DST: variants seen among roughly 807,000 people sequenced by gnomAD.
The protein encoded by DST is bullous pemphigoid antigen.
DST carries 253 observed loss-of-function variants against 875.2 expected under a neutral mutation model. The observed-to-expected ratio is 0.29, with a 90% confidence interval of 0.26 to 0.32. The LOEUF is 0.32. Among genes scored for constraint, DST ranks in the 10% least tolerant of loss-of-function variants. DST has a pLI of 1.00. For missense variants in DST, 8,287 were observed against 9,111.6 expected, an observed-to-expected ratio of 0.91 and a Z score of 3.68; for synonymous variants, 3,124 against 3,197.1, an observed-to-expected ratio of 0.98 and a Z score of 0.77.
At chr6:56,581,020 C>A (rs1229441087) in intron 49 of DST, among the ~76,000 whole-genome samples, 1 of 137,354 alleles carries the variant, frequency 7.3e-6, no homozygotes, top group African/African-American at 2.8e-5. Flanking sequence ...CAGGAATGAG[C>A]CAAGGCTCCC....
At chr6:56,672,375 G>A (rs754216501) in intron 9 of DST, among the ~76,000 whole-genome samples, 22 of 152,122 alleles carry the variant, frequency 1.4e-4, no homozygotes, top group Admixed American at 7.2e-4. Flanking sequence ...ATTTAAAAGC[G>A]GAACAAACTG....
In DST at chr6:56,813,398, A is replaced by T. The variant is rs576188700; in HGVS notation, c.625+37999T>A. Among the ~76,000 whole-genome samples, 339 of 125,290 alleles carry T rather than the reference A, an allele frequency of 2.7e-3. 2 individuals carry two copies. The highest frequency in any genetic ancestry group is 0.017 in the South Asian group (82 of 4,708). The allele number at this position is 125,290 out of a possible 152,430, so 82.2% of individuals were successfully genotyped here. On this transcript the variant is annotated intron_variant, in intron 4 of 103. Coordinates refer to ENST00000680361, the MANE Select transcript of DST (RefSeq NM_001374736.1). ...TTAAAGTATAATAATAATAAAAAAA[A>T]AAATAAAATAAAATGTCCACTTACG...
At chr6:56,895,863 G>A (rs1482943298) in intron 3 of DST, among the ~76,000 whole-genome samples, 1 of 18,136 alleles carries the variant, frequency 5.5e-5, no homozygotes, top group Admixed American at 4.4e-4. Flanking sequence ...AAAAAAAAAC[G>A]AAAACCAGTC....
rs746273825 is a variant in DST at position 56,494,122 on chromosome 6, C to T, written c.20282G>A (p.Gly6761Asp). Residue 6761 changes from glycine to aspartate, a missense_variant, in exon 83 of 104, where the codon GGC (glycine) becomes GAC (aspartate). Physicochemically the swap from Gly to Asp is moderately conservative, Grantham distance 94. Transcript: ENST00000680361. ...TGGGCATCTTGCAAGCATCTGCTGG[C>T]CTTTCTGCATCAGACTCTTATATGT... ...EETYKSLMQK[G>D]QQMLARCPKS... 10 of 1,611,888 alleles carry T rather than the reference C, an allele frequency of 6.2e-6. No individual in the cohort carries two copies. Among genetic ancestry groups the T allele is most frequent in the Non-Finnish European group, 7.6e-6 (9 of 1,178,598 alleles).
At chr6:56,740,849 A>G (rs918056249) in intron 4 of DST, among the ~76,000 whole-genome samples, 1 of 152,170 alleles carries the variant, frequency 6.6e-6, no homozygotes, top group Non-Finnish European at 1.5e-5. Context: ...GGTAATATCC[A>G]TATTATTCCC....
At chr6:56,677,126 T>A (rs2099134777) in intron 9 of DST, among the ~76,000 whole-genome samples, 1 of 152,204 alleles carries the variant, frequency 6.6e-6, no homozygotes, top group Non-Finnish European at 1.5e-5. Flanking sequence ...GTAATTTTTA[T>A]TTGTCAATTT....
chr6:56,526,289 T>TTTGTTCAGGTAAAAGC, intron 69 of DST, 72 bp downstream of exon 69: 1 of 1,454,440 alleles, frequency 6.9e-7, no homozygotes, highest in Non-Finnish European at 9.5e-7. Context: ...AACAGTCATC[T>TTTGTTCAGGTAAAAGC]TTGTTCAGGT....
At chr6:56,730,168 A>C (rs1408199809) in intron 5 of DST, among the ~76,000 whole-genome samples, 2 of 152,212 alleles carry the variant, frequency 1.3e-5, no homozygotes, top group East Asian at 3.8e-4. Context: ...ATCCTATGCA[A>C]GGAAACCACA....
chr6:56,506,332 C>A, intron 77 of DST, 111 bp downstream of exon 77: 3 of 789,786 alleles, frequency 3.8e-6, no homozygotes, highest in Admixed American at 3.1e-5. Flanking sequence ...AATAATTTGC[C>A]CACAATTGCA....
In DST at chr6:56,463,598, G is replaced by A. The variant is rs2094443200; in HGVS notation, c.22926C>T (p.Ala7642=). The change falls in exon 101 of 104, where the codon GCC becomes GCT. Residue 7642 remains alanine, a synonymous_variant. Coordinates refer to ENST00000680361, the MANE Select transcript of DST (RefSeq NM_001374736.1). ...TSVSSQAAQA[A]SPQVPATTTP... ...TGGTGGTGGCAGGGACCTGTGGGGAGGCCGCCTGCGCAGCCTGACTGGACA... is the reference window on the plus strand; with the variant it reads ...TGGTGGTGGCAGGGACCTGTGGGGAAGCCGCCTGCGCAGCCTGACTGGACA... The A allele has an allele frequency of 3.1e-6, 5 of 1,603,886 alleles. No homozygotes were observed. In the East Asian group the frequency reaches 1.1e-4, roughly 36 times the overall value.
rs763558851 is a variant in DST at position 56,639,973 on chromosome 6, T to G, written c.2575A>C (p.Ile859Leu). The change falls in exon 19 of 104, where the codon ATT (isoleucine) becomes CTT (leucine). Residue 859 changes from isoleucine (I) to leucine (L), a missense_variant. Coordinates refer to ENST00000680361, the MANE Select transcript of DST (RefSeq NM_001374736.1). ...LENHKNVHRA[I>L]EEFESSLKEA... is the part of the protein sequence containing the mutation. ...TTGAGACTAGATTCAAATTCTTCAA[T>G]AGCTCTATGAACATTTTTATGATTT... 2 of 1,613,530 alleles carry G rather than the reference T, an allele frequency of 1.2e-6. No individual in the cohort carries two copies. The highest frequency in any genetic ancestry group is 2.2e-5 in the East Asian group (1 of 44,862).
chr6:56,646,197 A>G lies in DST; in HGVS notation c.1555-15T>C. On this transcript the variant is annotated splice_polypyrimidine_tract_variant and intron_variant, in intron 13 of 103. Transcript: ENST00000680361. ...TTATAAAGTGCCTAAAATAAAAAGG[A>G]CAAGAAATTAAGGACCAAACTTAAA... is the stretch of plus-strand genomic sequence containing the variant. The G allele has an allele frequency of 7.2e-7, 1 of 1,391,122 alleles. No individual in the cohort carries two copies. The highest frequency in any genetic ancestry group is 9.8e-7 in the Non-Finnish European group (1 of 1,025,292). The allele number at this position is 1,391,122 out of a possible 1,614,324, so 86.2% of individuals were successfully genotyped here. A position where few individuals can be genotyped will look rare whatever the true frequency, so the allele number is the denominator to read the frequency against.
In DST at chr6:56,871,264, A is replaced by C; in HGVS notation, c.418-19660T>G. 3.9e-6 allele frequency: 3 copies of C among 777,722 alleles called. No homozygotes were observed. The Middle Eastern group carries it at 1.1e-3, about 277-fold the overall frequency. 48.2% of individuals were successfully genotyped at this position (777,722 alleles called of 1,614,324 possible). A position where few individuals can be genotyped will look rare whatever the true frequency, so the allele number is the denominator to read the frequency against. Reference sequence around the variant, plus strand: ...TCAAGAGGTTCAAATCTTCGTGTTCACTTTAAGAACACTCGTGAAACTGCC... The same window carrying C: ...TCAAGAGGTTCAAATCTTCGTGTTCCCTTTAAGAACACTCGTGAAACTGCC... On this transcript the variant is annotated intron_variant, in intron 3 of 103. Transcript: ENST00000680361.
At chr6:56,695,113 C>T (rs935663699) in intron 9 of DST, among the ~76,000 whole-genome samples, 2 of 130,536 alleles carry the variant, frequency 1.5e-5, no homozygotes, top group Admixed American at 8.4e-5. Context: ...GGCGACAGAG[C>T]GAGACTCCCT....
intron 56 of DST, 75 bp from the exon 57 acceptor site, chr6:56,561,624 T>C: frequency 7.0e-7 from 1 of 1,426,590 alleles, no homozygotes. Context: ...TAAAAGTTTG[T>C]TTTACATGGT....
intron 9 of DST, among the ~76,000 whole-genome samples, chr6:56,678,004 G>A (rs143192073): frequency 6.6e-6 from 1 of 152,300 alleles, no homozygotes; most frequent in African/African-American, 2.4e-5. Flanking sequence ...CCACAGGCGG[G>A]GCAGGTGAAT....
chr6:56,595,473 A>AGGG (rs2098358175), intron 47 of DST, among the ~76,000 whole-genome samples: 1 of 152,232 alleles, frequency 6.6e-6, no homozygotes, highest in East Asian at 1.9e-4. Flanking sequence ...CTAGTGTGCA[A>AGGG]GGGGGGCACA....
intron 16 of DST, 101 bp from the exon 17 acceptor site, chr6:56,642,202 T>C: frequency 9.5e-7 from 1 of 1,056,834 alleles, no homozygotes; most frequent in East Asian, 2.5e-5. Context: ...ACTTGGGCTT[T>C]CTTTAGTTTT....
chr6:56,732,286 TA>T (rs2152926459), intron 5 of DST, among the ~76,000 whole-genome samples: 1 of 152,334 alleles, frequency 6.6e-6, no homozygotes, highest in South Asian at 2.1e-4. Flanking sequence ...CAATTTGGCC[TA>T]AACAGCCATT....
Sources: allele counts gnomAD v4.1 joint callset (sites outside exome capture counted in the v4.1 genomes callset), GRCh38; gene constraint gnomAD v4.1.1; transcripts MANE v1.5; gene names NCBI Gene and HGNC (gene_info 2026-07-23, HGNC 2026-07-21).